Variants in AGRN observed in about 807,000 individuals in gnomAD.
AGRN encodes the protein agrin, also known as agrin proteoglycan.
AGRN carries 106 observed loss-of-function variants against 211.0 expected under a neutral mutation model. The observed-to-expected ratio is 0.50, with a 90% CI of 0.43 to 0.59. The LOEUF (loss-of-function observed/expected upper bound fraction) is 0.59. AGRN is among the 20% of genes least tolerant of loss of function. The pLI, the probability that AGRN is intolerant of heterozygous loss-of-function variation, is 0.00. For synonymous variants in AGRN, 1,525 were observed against 1,332.5 expected, an observed-to-expected ratio of 1.14 and a Z score of -3.15; for missense variants, 3,040 against 2,982.6, an observed-to-expected ratio of 1.02 and a Z score of -0.45.
At position 1,051,741 on chromosome 1, in the gene AGRN, G is replaced by T. The variant is rs866519706; in HGVS notation, c.5577G>T (p.Lys1859Asn). The T allele has an allele frequency of 6.2e-7, 1 of 1,613,882 alleles. No homozygotes were observed. The change falls in exon 33 of 36, where the codon AAG becomes AAT. Residue 1859 changes from lysine (K) to asparagine (N), a missense_variant. By Grantham distance (94) the Lys-to-Asn change is moderately conservative. This residue lies in a region of AGRN where 1,537 missense variants were observed against 1,505.0 expected (regional missense o/e 1.02). Coordinates refer to ENST00000379370, the MANE Select transcript of AGRN (RefSeq NM_198576.4). ...CCTATCTCACAGGGCTGGTGGAGAAGTCAGCGGGGGACGTGGATACCTTGG... is the reference window on the plus strand; with the variant it reads ...CCTATCTCACAGGGCTGGTGGAGAATTCAGCGGGGGACGTGGATACCTTGG... ...GPHCEKGLVE[K>N]SAGDVDTLAF...
At position 1,050,335 on chromosome 1, in the gene AGRN, T is replaced by TG. The variant is rs747502112; in HGVS notation, c.4976+10dup. On this transcript the variant is annotated splice_region_variant and intron_variant, in intron 28 of 35. Transcript: ENST00000379370. ...ACCTTTGCACGGGACCTGGGGTCGG[T>TG]GGGGCAGGAGCAGGGGGAAGGGCCG... is the stretch of plus-strand genomic sequence containing the variant. 6.2e-6 allele frequency: 10 copies of TG among 1,611,902 alleles called. No individual in the cohort carries two copies. The East Asian group carries it at 2.0e-4, about 32-fold the overall frequency.
At chr1:1,023,902 C>T (rs1644464005) in intron 2 of AGRN, among the ~76,000 whole-genome samples, 2 of 152,146 alleles carry the variant, frequency 1.3e-5, no homozygotes, top group African/African-American at 4.8e-5. Context: ...TGGGCAGTCG[C>T]ACTCAGGGAC....
rs563299889 is a variant in AGRN, at chr1:1,050,563, G to A, written c.5113G>A (p.Asp1705Asn). The A allele has an allele frequency of 3.2e-5, 52 of 1,612,234 alleles. No individual in the cohort carries two copies. The highest frequency in any genetic ancestry group is 1.0e-4 in the Admixed American group (6 of 60,000). The change falls in exon 29 of 36, where the codon GAC becomes AAC. Residue 1705 changes from aspartate to asparagine, a missense_variant. Around this residue, in one of 3 missense-constraint regions of AGRN, gnomAD observed 1,537 missense variants for 1,505.0 expected, o/e 1.02. Coordinates refer to ENST00000379370, the MANE Select transcript of AGRN (RefSeq NM_198576.4). ...GGACCGCCGCCTGGAGTTCCGCTAC[G>A]ACCTGGGCAAGGGGGCAGCGGTCAT... ...LRDRRLEFRY[D>N]LGKGAAVIRS...
chr1:1,025,457 G>A (rs906059295), intron 2 of AGRN, among the ~76,000 whole-genome samples: 3 of 152,134 alleles, frequency 2.0e-5, no homozygotes, highest in Non-Finnish European at 4.4e-5. Flanking sequence ...GTGTGGGGCA[G>A]TCTAGGAGTT....
intron 2 of AGRN, among the ~76,000 whole-genome samples, chr1:1,029,439 T>TCTATGGAGGCAGGG (rs1644601457): frequency 2.7e-5 from 1 of 36,596 alleles, no homozygotes. Context: ...TGCAGGCAGG[T>TCTATGGAGGCAGGG]AGGGGGAGGG....
At chr1:1,033,006 G>T (rs1417880307) in intron 2 of AGRN, among the ~76,000 whole-genome samples, 1 of 152,106 alleles carries the variant, frequency 6.6e-6, no homozygotes, top group East Asian at 1.9e-4. Flanking sequence ...GTGTGGGGAC[G>T]CCGGACTACG....
At position 1,052,869 on chromosome 1, in the gene AGRN, ATG is replaced by A. The variant is rs528146484; in HGVS notation, c.5652-881_5652-880del. On this transcript the variant is annotated intron_variant, in intron 33 of 35. Coordinates refer to ENST00000379370, the MANE Select transcript of AGRN (RefSeq NM_198576.4). The stretch of plus-strand genomic sequence containing the variant: ...CATGGGTCCATGTATGTGTGTGTAT[ATG>A]TGGGGGAGACAGGTGTGTGTCCGAG... 2.8e-3 allele frequency: 429 copies of A among 155,272 alleles called. 3 individuals carry two copies. The Middle Eastern group carries it at 0.029, about 10-fold the overall frequency. The allele number at this position is 155,272 out of a possible 1,614,324, so 9.6% of individuals were successfully genotyped here. A position where few individuals can be genotyped will look rare whatever the true frequency, so the allele number is the denominator to read the frequency against.
Position 1,022,435 on chromosome 1 carries a change from C to T in AGRN, c.436C>T (p.Leu146=). 3 of 1,611,990 alleles carry T rather than the reference C, an allele frequency of 1.9e-6. No individual in the cohort carries two copies. The highest frequency in any genetic ancestry group is 1.7e-6 in the Non-Finnish European group (2 of 1,178,870). Residue 146 remains leucine, a synonymous_variant, in exon 2 of 36, where the codon CTG becomes TTG. Transcript: ENST00000379370. ...SSLMRITLRN[L]EEVEFCVEDK... ...CCTCATGCGGATCACCCTGCGGAACCTGGAGGAGGTGGAGTTCTGTGTGGA... is the reference window on the plus strand; with the variant it reads ...CCTCATGCGGATCACCCTGCGGAACTTGGAGGAGGTGGAGTTCTGTGTGGA...
Position 1,041,234 on chromosome 1 carries a change from C to G in AGRN, c.789C>G (p.Ala263=), listed in dbSNP as rs1282438943. ...CSFGSTCARS[A]DGLTASCLCP... ...TCGGCAGCACCTGTGCGCGCTCGGC[C>G]GACGGGCTGACGGCCTCGTGCCTGT... is the stretch of plus-strand genomic sequence containing the variant. Residue 263 remains alanine (A), a synonymous_variant, in exon 5 of 36, where the codon GCC becomes GCG. Transcript: ENST00000379370. The G allele has an allele frequency of 1.3e-6, 2 of 1,487,302 alleles. No homozygotes were observed. The highest frequency in any genetic ancestry group is 1.8e-6 in the Non-Finnish European group (2 of 1,125,036). 92.1% of individuals were successfully genotyped at this position (1,487,302 alleles called of 1,614,324 possible).
At chr1:1,022,594 C>CTGACTGTGGTT (rs1397636826) in intron 2 of AGRN, 132 bp downstream of exon 2, 9 of 772,386 alleles carry the variant, frequency 1.2e-5, no homozygotes, top group Non-Finnish European at 1.6e-5. Flanking sequence ...GTCTTGTGGT[C>CTGACTGTGGTT]CAACCTCATT....
chr1:1,033,859 G>GC (rs1644734425), intron 2 of AGRN, among the ~76,000 whole-genome samples: 1 of 149,956 alleles, frequency 6.7e-6, no homozygotes, highest in Non-Finnish European at 1.5e-5. Flanking sequence ...CGCCTGCCCG[G>GC]CGTTCCCTTT....
Position 1,043,981 on chromosome 1 carries a change from C to T in AGRN, c.1957C>T (p.Gln653Ter). The change falls in exon 10 of 36, where the codon CAG becomes TAG. Residue 653 changes from glutamine to a stop codon, truncating the protein, a stop_gained. Transcript: ENST00000379370. LOFTEE classifies it high-confidence loss of function. ...CELREAACLQ[Q>*]TQIEEARAGP... ...GCTACGGGAAGCCGCCTGCCTCCAG[C>T]AGACACAGATCGAGGAGGCCCGGGC... is the stretch of plus-strand genomic sequence containing the variant. The T allele has an allele frequency of 6.2e-7, 1 of 1,606,750 alleles. No homozygotes were observed. Among genetic ancestry groups the T allele is most frequent in the Non-Finnish European group, 8.5e-7 (1 of 1,178,978 alleles).
At position 1,040,851 on chromosome 1, in the gene AGRN, G is replaced by T. The variant is rs532795042; in HGVS notation, c.698G>T (p.Arg233Leu). 5.3e-5 allele frequency: 81 copies of T among 1,530,598 alleles called. No homozygotes were observed. The African/African-American group carries it at 1.0e-3, about 19-fold the overall frequency. The allele number at this position is 1,530,598 out of a possible 1,614,324, so 94.8% of individuals were successfully genotyped here. Residue 233 changes from arginine (R) to leucine (L), a missense_variant, in exon 4 of 36, where the codon CGC becomes CTC. Arg to Leu is a moderately radical substitution (Grantham distance 102). Coordinates refer to ENST00000379370, the MANE Select transcript of AGRN (RefSeq NM_198576.4). ...LQRAQCSQQR[R>L]IRLLSRGPCG... ...CGGGCGCAGTGCAGCCAGCAGCGCC[G>T]CATCCGCCTGCTCAGCCGCGGGCCG... is the stretch of plus-strand genomic sequence containing the variant.
In AGRN at chr1:1,041,643, C is replaced by T. The variant is rs747332721; in HGVS notation, c.1118C>T (p.Ser373Leu). Residue 373 changes from serine (S) to leucine (L), a missense_variant, in exon 6 of 36, where the codon TCG becomes TTG. This residue lies in a region of AGRN where 1,498 missense variants were observed against 1,457.8 expected (regional missense o/e 1.03). Transcript: ENST00000379370. The part of the protein sequence containing the change: ...TYENDCVMGR[S>L]GAARGLLLQK... The stretch of plus-strand genomic sequence containing the variant: ...GAAAACGACTGTGTCATGGGCCGAT[C>T]GGGGGCCGCCCGGGGTCTCCTCCTG... 3.2e-5 allele frequency: 51 copies of T among 1,611,080 alleles called. No individual in the cohort carries two copies. The highest frequency in any genetic ancestry group is 4.0e-5 in the African/African-American group (3 of 74,842).
In AGRN at chr1:1,041,964, C is replaced by T. The variant is rs1208458628; in HGVS notation, c.1186C>T (p.Pro396Ser). ...SGQCQGRDQC[P>S]EPCRFNAVCL... ...TCACCCCTGCGTCCTAGACCAGTGC[C>T]CGGAGCCCTGCCGGTTCAATGCCGT... is the stretch of plus-strand genomic sequence containing the variant. Residue 396 changes from proline (P) to serine (S), a missense_variant, in exon 7 of 36, where the codon CCG (proline) becomes TCG (serine). This residue lies in a region of AGRN where 1,498 missense variants were observed against 1,457.8 expected (regional missense o/e 1.03). Transcript: ENST00000379370. 2.5e-6 allele frequency: 4 copies of T among 1,611,796 alleles called. No homozygotes were observed. The highest frequency in any genetic ancestry group is 4.5e-5 in the East Asian group (2 of 44,842).
intron 35 of AGRN, 119 bp downstream of exon 35, chr1:1,054,670 C>A: frequency 6.7e-7 from 1 of 1,483,450 alleles, no homozygotes; most frequent in Non-Finnish European, 9.1e-7. Flanking sequence ...GCGGGCTGGG[C>A]TCTCTTCTCC....
Position 1,020,147 on chromosome 1 carries a change from C to A in AGRN, c.-26C>A. The A allele has an allele frequency of 8.1e-7, 1 of 1,237,400 alleles. No individual in the cohort carries two copies. Among genetic ancestry groups the A allele is most frequent in the Non-Finnish European group, 1.0e-6 (1 of 969,474 alleles). The allele number at this position is 1,237,400 out of a possible 1,614,324, so 76.7% of individuals were successfully genotyped here. On this transcript the variant is annotated 5_prime_UTR_variant, in exon 1 of 36. Coordinates refer to ENST00000379370, the MANE Select transcript of AGRN (RefSeq NM_198576.4). ...TCCCGTCCCCGGCGCGGCCCGCGCG[C>A]TCCTCCGCCGCCTCTCGCCTGCGCC...
chr1:1,039,089 G>A lies in AGRN; in HGVS notation c.512-1576G>A, dbSNP rs145621327. Among the ~76,000 whole-genome samples the A allele has an allele frequency of 3.1e-3, 479 of 152,338 alleles. 3 individuals carry two copies. Among genetic ancestry groups the A allele is most frequent in the African/African-American group, 0.011 (454 of 41,574 alleles). ...GTAGGTCCTATTGCTCCTATTCACC[G>A]AAGGGGATACTGAGGCCCAGGCAGG... On this transcript the variant is annotated intron_variant, in intron 3 of 35. Transcript: ENST00000379370.
In AGRN at chr1:1,049,303, C is replaced by T. The variant is rs749059305; in HGVS notation, c.4366C>T (p.Arg1456Cys). The part of the protein sequence containing the change: ...AVPVEPGQWH[R>C]LELSRHWRRG... ...GCCGGTAGAGCCGGGCCAGTGGCAC[C>T]GCCTGGAGCTGTCCCGGCACTGGCG... The change falls in exon 25 of 36, where the codon CGC (arginine) becomes TGC (cysteine). Residue 1456 changes from arginine (R) to cysteine (C), a missense_variant. Around this residue, in one of 3 missense-constraint regions of AGRN, gnomAD observed 1,537 missense variants for 1,505.0 expected, o/e 1.02. Coordinates refer to ENST00000379370, the MANE Select transcript of AGRN (RefSeq NM_198576.4). 11 of 1,597,136 alleles carry T rather than the reference C, an allele frequency of 6.9e-6. No homozygotes were observed. Among genetic ancestry groups the T allele is most frequent in the South Asian group, 4.4e-5 (4 of 90,454 alleles).
Sources: gnomAD v4.1 joint callset for allele counts (sites outside exome capture counted in the v4.1 genomes callset) on GRCh38, gnomAD v4.1.1 for gene constraint, gnomAD v4.1.1 regional missense constraint, MANE v1.5 for transcripts, NCBI Gene and HGNC (gene_info 2026-07-23, HGNC 2026-07-21) for gene names.